PASD1: variants seen among roughly 807,000 people sequenced by gnomAD.
The protein encoded by PASD1 is PAS domain containing repressor 1, also known as circadian clock protein PASD1.
In PASD1, 13 loss-of-function variants were observed where a neutral mutation model predicts 58.8. The ratio of observed to expected loss-of-function variants is 0.22; its 90% CI spans 0.14 to 0.35. The LOEUF (loss-of-function observed/expected upper bound fraction) is 0.35. Among genes scored for constraint, PASD1 ranks in the 10% least tolerant of loss-of-function variants. PASD1 has a pLI of 1.00. For missense variants in PASD1, 734 were observed against 568.3 expected, an observed-to-expected ratio of 1.29 and a Z score of -2.96; for synonymous variants, 236 against 216.7, an observed-to-expected ratio of 1.09 and a Z score of -0.78.
chrX:151,598,156 T>A (rs1361854636), intron 1 of PASD1, among the ~76,000 whole-genome samples: 4 of 112,720 alleles, frequency 3.5e-5, no homozygotes, highest in Non-Finnish European at 7.5e-5. Flanking sequence ...TTGTAATATG[T>A]GGTATACTTG....
chrX:151,592,488 A>C (rs1319068831), intron 1 of PASD1, among the ~76,000 whole-genome samples: 5 of 112,132 alleles, frequency 4.5e-5, no homozygotes, highest in African/African-American at 9.7e-5. Flanking sequence ...ACTTTTCTTG[A>C]TGGAAATATA....
chrX:151,644,151 C>T (rs779203313), intron 8 of PASD1, among the ~76,000 whole-genome samples: 9 of 112,007 alleles, frequency 8.0e-5, no homozygotes, highest in Non-Finnish European at 1.3e-4. Context: ...TCTATTAAGA[C>T]GACTATCTCC....
chrX:151,634,412 A>G (rs756129779), intron 8 of PASD1, among the ~76,000 whole-genome samples: 1 of 111,607 alleles, frequency 9.0e-6, no homozygotes, highest in Admixed American at 9.6e-5. Context: ...TGGTTATAAT[A>G]TCAGGAATTT....
intron 2 of PASD1, 103 bp from the exon 3 acceptor site, chrX:151,604,541 TAA>T: frequency 1.9e-6 from 1 of 522,988 alleles, no homozygotes; most frequent in Admixed American, 3.6e-5. Context: ...CATTTTCTCA[TAA>T]GAGTCTTTTC....
At chrX:151,637,786 CT>C (rs1266089403) in intron 8 of PASD1, among the ~76,000 whole-genome samples, 4 of 111,851 alleles carry the variant, frequency 3.6e-5, no homozygotes, top group Admixed American at 1.9e-4. Flanking sequence ...TGCATTCCCC[CT>C]AAGGACTAAT....
chrX:151,576,794 T>G (rs2124225780), intron 1 of PASD1, among the ~76,000 whole-genome samples: 1 of 112,389 alleles, frequency 8.9e-6, no homozygotes, highest in Non-Finnish European at 1.9e-5. Flanking sequence ...ATATAGATAT[T>G]ATATGATTGT....
At chrX:151,638,554 CTA>C (rs768639951) in intron 8 of PASD1, among the ~76,000 whole-genome samples, 2 of 111,439 alleles carry the variant, frequency 1.8e-5, no homozygotes, top group Admixed American at 1.9e-4. Context: ...TCACCACAGT[CTA>C]TGAGTTTTGA....
chrX:151,648,702 C>T lies in PASD1; in HGVS notation c.717C>T (p.Asp239=), dbSNP rs1324380252. Residue 239 remains aspartate, a splice_region_variant and synonymous_variant, in exon 9 of 16, where the codon GAC becomes GAT. Coordinates refer to ENST00000370357, the MANE Select transcript of PASD1 (RefSeq NM_173493.3). ...AAAAAAAAIS[D]DQIDIAEVEQ... The stretch of plus-strand genomic sequence containing the variant: ...CTGCTGCTGCTGCTGCTATCTCAGA[C>T]GTATGTACATTGAGGACCATAGACT... 12 of 1,208,164 alleles carry T rather than the reference C, an allele frequency of 9.9e-6. No homozygotes were observed. Among genetic ancestry groups the T allele is most frequent in the African/African-American group, 3.5e-5 (2 of 56,889 alleles).
intron 1 of PASD1, among the ~76,000 whole-genome samples, chrX:151,580,437 A>G (rs917522792): frequency 9.1e-6 from 1 of 110,382 alleles, no homozygotes; most frequent in African/African-American, 3.3e-5. Flanking sequence ...GAACCAGGAT[A>G]TTAGAATATG....
chrX:151,667,942 A>C (rs1050376949), intron 11 of PASD1, among the ~76,000 whole-genome samples: 2 of 111,414 alleles, frequency 1.8e-5, no homozygotes, highest in Admixed American at 9.6e-5. Context: ...CTTGATGGGG[A>C]CGGCATTGAA....
At chrX:151,647,172 T>G (rs2014071059) in intron 8 of PASD1, among the ~76,000 whole-genome samples, 1 of 111,607 alleles carries the variant, frequency 9.0e-6, no homozygotes, top group Non-Finnish European at 1.9e-5. Flanking sequence ...GAGGTAGAGC[T>G]GTGGGAGTCA....
At chrX:151,664,072 T>C in intron 10 of PASD1, 47 bp from the exon 11 acceptor site, 1 of 1,206,595 alleles carries the variant, frequency 8.3e-7, no homozygotes, top group Non-Finnish European at 1.1e-6. Context: ...ATAACATTAG[T>C]ACTTTTGCTT....
chrX:151,579,563 G>A (rs754750922), intron 1 of PASD1, among the ~76,000 whole-genome samples: 1 of 112,078 alleles, frequency 8.9e-6, no homozygotes, highest in East Asian at 2.8e-4. Context: ...GGACATGAGA[G>A]TAATGTAATC....
At chrX:151,589,262 G>A (rs1333421130) in intron 1 of PASD1, among the ~76,000 whole-genome samples, 2 of 111,358 alleles carry the variant, frequency 1.8e-5, no homozygotes, top group African/African-American at 6.5e-5. Context: ...CCCTGACTCT[G>A]CACCTAGACC....
At chrX:151,653,766 CTTTCTTTCTTTCTTTCTTTCTT>C (rs2014173891) in intron 9 of PASD1, among the ~76,000 whole-genome samples, 1 of 3,396 alleles carries the variant, frequency 2.9e-4, no homozygotes, top group African/African-American at 4.8e-4. Flanking sequence ...TTCTTTCTTT[CTTTCTTTCTTTCTTTCTTTCTT>C]TCTTTCTTTC....
intron 9 of PASD1, among the ~76,000 whole-genome samples, chrX:151,653,769 T>TCTTTCTTC (rs2014174433): frequency 2.6e-4 from 1 of 3,848 alleles, no homozygotes; most frequent in East Asian, 6.0e-3. Flanking sequence ...TTTCTTTCTT[T>TCTTTCTTC]CTTTCTTTCT....
At chrX:151,669,747 A>G (rs754622576) in intron 11 of PASD1, among the ~76,000 whole-genome samples, 1 of 112,144 alleles carries the variant, frequency 8.9e-6, no homozygotes, top group Non-Finnish European at 1.9e-5. Context: ...TGGCTGAATA[A>G]TATTCTATTC....
chrX:151,629,433 C>T (rs1430848885), intron 8 of PASD1, among the ~76,000 whole-genome samples: 3 of 111,521 alleles, frequency 2.7e-5, no homozygotes, highest in South Asian at 3.8e-4. Context: ...CTAAATTTTA[C>T]GTGAATCTTC....
At chrX:151,610,934 T>C (rs1297036969) in intron 3 of PASD1, among the ~76,000 whole-genome samples, 1 of 86,681 alleles carries the variant, frequency 1.2e-5, no homozygotes, top group African/African-American at 4.3e-5. Flanking sequence ...GTTGAAAGTG[T>C]CTCCCTTTTG....
Sources: gnomAD v4.1 joint callset for allele counts (sites outside exome capture counted in the v4.1 genomes callset) on GRCh38, gnomAD v4.1.1 for gene constraint, MANE v1.5 for transcripts, NCBI Gene and HGNC (gene_info 2026-07-23, HGNC 2026-07-21) for gene names.